CBLB: variants seen among roughly 807,000 people sequenced by gnomAD.
CBLB encodes the protein Cbl proto-oncogene B.
In CBLB, 31 loss-of-function variants were observed where a neutral mutation model predicts 104.9. The ratio of observed to expected loss-of-function variants is 0.30; its 90% CI spans 0.22 to 0.40. CBLB has a LOEUF of 0.40. Ranked by LOEUF, CBLB falls within the 10% of genes least tolerant of loss-of-function variation. The pLI is 1.00. For missense variants in CBLB, 1,062 were observed against 1,214.6 expected, an observed-to-expected ratio of 0.87 and a Z score of 1.87; for synonymous variants, 440 against 422.6, an observed-to-expected ratio of 1.04 and a Z score of -0.51.
At chr3:105,705,289 C>A (rs1443986860) in intron 10 of CBLB, among the ~76,000 whole-genome samples, 1 of 152,204 alleles carries the variant, frequency 6.6e-6, no homozygotes, top group Non-Finnish European at 1.5e-5. Flanking sequence ...GATTTGCGTT[C>A]ACATTCACAC....
chr3:105,869,046 T>G (rs934894707), upstream of CBLB: 14 of 344,620 alleles, frequency 4.1e-5, no homozygotes, highest in African/African-American at 1.7e-4. Context: ...GGACCCAGGC[T>G]CGGGGCGGGG....
chr3:105,721,352 T>A (rs866092895), intron 9 of CBLB, among the ~76,000 whole-genome samples: 27 of 152,160 alleles, frequency 1.8e-4, no homozygotes, highest in African/African-American at 6.3e-4. Flanking sequence ...GGATCAAGGA[T>A]GGAATAACTC....
intron 3 of CBLB, among the ~76,000 whole-genome samples, chr3:105,833,651 T>C (rs905091773): frequency 6.6e-6 from 1 of 152,052 alleles, no homozygotes; most frequent in African/African-American, 2.4e-5. Flanking sequence ...AGAACTCACA[T>C]TCTTGGGTAT....
chr3:105,733,942 A>C, intron 9 of CBLB, 67 bp downstream of exon 9: 1 of 1,473,838 alleles, frequency 6.8e-7, no homozygotes, highest in Non-Finnish European at 9.5e-7. Flanking sequence ...TAAACCATTA[A>C]GAAAACTGAA....
chr3:105,664,579 C>G (rs1360066072), intron 18 of CBLB, among the ~76,000 whole-genome samples: 1 of 152,006 alleles, frequency 6.6e-6, no homozygotes, highest in Non-Finnish European at 1.5e-5. Flanking sequence ...CTGTAATTTC[C>G]TTTTATTTTC....
intron 6 of CBLB, among the ~76,000 whole-genome samples, chr3:105,744,053 T>C (rs1017047085): frequency 4.6e-5 from 7 of 152,134 alleles, no homozygotes; most frequent in Admixed American, 1.3e-4. Context: ...AGTTTACTGG[T>C]GGGTCTTATG....
intron 2 of CBLB, among the ~76,000 whole-genome samples, chr3:105,854,637 TTTA>T (rs2091374544): frequency 1.3e-5 from 2 of 151,964 alleles, no homozygotes. Flanking sequence ...CTTATTTTAT[TTTA>T]TTGTTTTTTT....
intron 4 of CBLB, among the ~76,000 whole-genome samples, chr3:105,765,927 T>G (rs901915463): frequency 6.6e-6 from 1 of 152,242 alleles, no homozygotes; most frequent in South Asian, 2.1e-4. Context: ...CCTACGGCTA[T>G]AGCTGTCATA....
intron 2 of CBLB, among the ~76,000 whole-genome samples, chr3:105,856,676 C>A (rs2091651616): frequency 6.6e-6 from 1 of 151,778 alleles, no homozygotes; most frequent in African/African-American, 2.4e-5. Flanking sequence ...AATTAATAAT[C>A]CAAAGGTATA....
intron 3 of CBLB, among the ~76,000 whole-genome samples, chr3:105,783,938 T>C (rs1323008732): frequency 1.3e-5 from 2 of 152,240 alleles, no homozygotes; most frequent in Admixed American, 1.3e-4. Flanking sequence ...ATATATTCAA[T>C]AAAGCTTCCC....
rs11373751 is a variant in CBLB, at chr3:105,743,459, C to CAA, written c.845+2456_845+2457dup. ...GGGTGAACACAGTGAGACTCTGTCTCAAAAAAAAAAAAAAATTAAAAAAAA... is the reference window on the plus strand; with the variant it reads ...GGGTGAACACAGTGAGACTCTGTCTCAAAAAAAAAAAAAAAAATTAAAAAAAA... On this transcript the variant is annotated intron_variant, in intron 6 of 18. Transcript: ENST00000394030. 1.8e-3 allele frequency among the ~76,000 whole-genome samples: 233 copies of CAA among 131,228 alleles called. 1 individual carries two copies. Among genetic ancestry groups the CAA allele is most frequent in the Middle Eastern group, 3.8e-3 (1 of 262 alleles). The allele number at this position is 131,228 out of a possible 152,430, so 86.1% of individuals were successfully genotyped here.
chr3:105,670,328 C>T lies in CBLB; in HGVS notation c.2594G>A (p.Gly865Asp), dbSNP rs995686990. ...PSDPFVDLAS[G>D]QVPLPPARRL... ...TCTAGCAGGAGGCAAAGGAACTTGG[C>T]CACTTGCTAGATCAACAAAGGGATC... Residue 865 changes from glycine to aspartate, a missense_variant, in exon 18 of 19, where the codon GGC (glycine) becomes GAC (aspartate). This residue lies in a region of CBLB where 605 missense variants were observed against 582.6 expected (regional missense o/e 1.04). Transcript: ENST00000394030. 1 of 1,610,652 alleles carries T rather than the reference C, an allele frequency of 6.2e-7. No homozygotes were observed. The highest frequency in any genetic ancestry group is 8.5e-7 in the Non-Finnish European group (1 of 1,177,232).
intron 6 of CBLB, among the ~76,000 whole-genome samples, chr3:105,745,306 GCCAAAGCCACAGGGGCTGACCAA>G (rs1422260486): frequency 6.6e-6 from 1 of 152,160 alleles, no homozygotes; most frequent in Non-Finnish European, 1.5e-5. Flanking sequence ...TAATTTCTTG[GCCAAAGCCACAGGGGCTGACCAA>G]CCTCTCCAAG....
chr3:105,710,820 A>C (rs1231917075), intron 10 of CBLB, among the ~76,000 whole-genome samples: 2 of 151,910 alleles, frequency 1.3e-5, no homozygotes, highest in Non-Finnish European at 2.9e-5. Flanking sequence ...ACTATTATTT[A>C]TTTTTCTGAC....
chr3:105,749,037 T>TAA (rs1560074966), intron 5 of CBLB, among the ~76,000 whole-genome samples: 1 of 152,326 alleles, frequency 6.6e-6, no homozygotes, highest in East Asian at 1.9e-4. Context: ...ACAGAATATA[T>TAA]AAATGTAAGG....
intron 10 of CBLB, among the ~76,000 whole-genome samples, chr3:105,709,453 T>A (rs2070736378): frequency 6.6e-6 from 1 of 151,894 alleles, no homozygotes; most frequent in East Asian, 1.9e-4. Flanking sequence ...TAGGAAATTT[T>A]GGAATTATAG....
In CBLB at chr3:105,720,083, C is replaced by T; in HGVS notation, c.1371G>A (p.Glu457=). The T allele has an allele frequency of 6.2e-7, 1 of 1,614,026 alleles. No homozygotes were observed. The highest frequency in any genetic ancestry group is 8.5e-7 in the Non-Finnish European group (1 of 1,179,956). The change falls in exon 10 of 19, where the codon GAG becomes GAA. Residue 457 remains glutamate, a synonymous_variant. Transcript: ENST00000394030. ...TTGCCAACCGATTCATCATCAAGGACTCCTCACGATCATCATCGTCGTCCA... is the reference window on the plus strand; with the variant it reads ...TTGCCAACCGATTCATCATCAAGGATTCCTCACGATCATCATCGTCGTCCA... ...LDLDDDDDRE[E]SLMMNRLANV...
chr3:105,793,690 T>C (rs2081948379), intron 3 of CBLB, among the ~76,000 whole-genome samples: 1 of 152,134 alleles, frequency 6.6e-6, no homozygotes, highest in Non-Finnish European at 1.5e-5. Context: ...AAAATGCCTA[T>C]TATAACTTCC....
intron 17 of CBLB, among the ~76,000 whole-genome samples, chr3:105,675,606 G>C (rs2065522125): frequency 6.6e-6 from 1 of 152,076 alleles, no homozygotes; most frequent in Non-Finnish European, 1.5e-5. Flanking sequence ...TAAAGGGGCT[G>C]GGTGCAGTGG....
Sources: allele counts gnomAD v4.1 joint callset (sites outside exome capture counted in the v4.1 genomes callset), GRCh38; gene constraint gnomAD v4.1.1; regional missense constraint gnomAD v4.1.1; transcripts MANE v1.5; gene names NCBI Gene and HGNC (gene_info 2026-07-23, HGNC 2026-07-21).